SRRM4: variants seen among roughly 807,000 people sequenced by gnomAD.
SRRM4 encodes the protein serine/arginine repetitive matrix protein 4.
A neutral mutation model predicts 68.9 loss-of-function variants in SRRM4; 33 were observed. The observed-to-expected ratio is 0.48, with a 90% CI of 0.36 to 0.64. The LOEUF (loss-of-function observed/expected upper bound fraction) is 0.64. Ranked by LOEUF, SRRM4 falls within the 30% of genes least tolerant of loss-of-function variation. The pLI is 0.00. For missense variants in SRRM4, 817 were observed against 827.1 expected (o/e 0.99, Z 0.15); for synonymous variants, 318 against 318.8 (o/e 1.00, Z 0.03).
chr12:119,128,786 T>C (rs1005967865), intron 7 of SRRM4, among the ~76,000 whole-genome samples: 1 of 152,224 alleles, frequency 6.6e-6, no homozygotes, highest in Non-Finnish European at 1.5e-5. Context: ...TAAGCCCTAC[T>C]GGCCTGGGCC....
intron 1 of SRRM4, among the ~76,000 whole-genome samples, chr12:119,047,030 T>TAAAAAA (rs11415940): frequency 1.6e-5 from 2 of 122,222 alleles, no homozygotes; most frequent in Non-Finnish European, 3.3e-5. Flanking sequence ...AGATCCCGTC[T>TAAAAAA]AAAAAAAAAA....
chr12:119,134,465 T>A (rs1044786291), intron 8 of SRRM4, among the ~76,000 whole-genome samples: 2 of 151,656 alleles, frequency 1.3e-5, no homozygotes, highest in Non-Finnish European at 2.9e-5. Flanking sequence ...GTCAGAAGAA[T>A]GCTGCAATAT....
At chr12:119,059,686 G>T (rs180869893) in intron 1 of SRRM4, among the ~76,000 whole-genome samples, 2 of 152,182 alleles carry the variant, frequency 1.3e-5, no homozygotes, top group African/African-American at 2.4e-5. Context: ...TTATCTTAAA[G>T]GCAGTGGGAG....
intron 1 of SRRM4, among the ~76,000 whole-genome samples, chr12:119,004,767 A>G (rs1215688880): frequency 6.6e-6 from 1 of 151,992 alleles, no homozygotes; most frequent in Non-Finnish European, 1.5e-5. Flanking sequence ...AAGGCACTTT[A>G]CTTCCTGCCG....
chr12:119,052,571 C>G (rs1480966573), intron 1 of SRRM4, among the ~76,000 whole-genome samples: 1 of 152,110 alleles, frequency 6.6e-6, no homozygotes, highest in Non-Finnish European at 1.5e-5. Context: ...CTCTGTTACC[C>G]AGGCTGGAGT....
chr12:119,075,944 A>ATGGTGATGATGG (rs1953912161), intron 1 of SRRM4, among the ~76,000 whole-genome samples: 1 of 141,850 alleles, frequency 7.0e-6, no homozygotes, highest in Non-Finnish European at 1.5e-5. Context: ...GGTGATGATG[A>ATGGTGATGATGG]TGGTGGTAAT....
At chr12:119,099,592 T>C (rs987737533) in intron 1 of SRRM4, among the ~76,000 whole-genome samples, 1 of 152,264 alleles carries the variant, frequency 6.6e-6, no homozygotes, top group Non-Finnish European at 1.5e-5. Flanking sequence ...ACAGTTATTA[T>C]GGTTCATAGT....
At chr12:119,005,297 C>T (rs1024435361) in intron 1 of SRRM4, among the ~76,000 whole-genome samples, 3 of 152,240 alleles carry the variant, frequency 2.0e-5, no homozygotes, top group Non-Finnish European at 4.4e-5. Flanking sequence ...AGCTGTCCCA[C>T]AGCTCCTCTG....
Position 119,125,386 on chromosome 12 carries a change from G to A in SRRM4, c.521G>A (p.Arg174Gln), listed in dbSNP as rs375268699. ...RDEKRHKKQS[R>Q]SRPRKSHRHR... Reference sequence around the variant, plus strand: ...TTCCTTCTCATCCCCCCAAGATCTCGAAGCCGGCCCCGAAAGTCTCACCGC... The same window carrying A: ...TTCCTTCTCATCCCCCCAAGATCTCAAAGCCGGCCCCGAAAGTCTCACCGC... The change falls in exon 7 of 13, where the codon CGA (arginine) becomes CAA (glutamine). Residue 174 changes from arginine (R) to glutamine (Q), a missense_variant. Arg to Gln is a conservative substitution (Grantham distance 43). Transcript: ENST00000267260. 8 of 1,612,044 alleles carry A rather than the reference G, an allele frequency of 5.0e-6. No homozygotes were observed. In the East Asian group the frequency reaches 6.7e-5, roughly 14 times the overall value.
At chr12:119,009,207 C>A (rs1953434115) in intron 1 of SRRM4, among the ~76,000 whole-genome samples, 1 of 152,160 alleles carries the variant, frequency 6.6e-6, no homozygotes, top group Non-Finnish European at 1.5e-5. Flanking sequence ...AGGAGGGGAA[C>A]TTTAATTATC....
chr12:118,983,989 C>T (rs927730572), intron 1 of SRRM4, among the ~76,000 whole-genome samples: 3 of 151,448 alleles, frequency 2.0e-5, no homozygotes, highest in Non-Finnish European at 2.9e-5. Context: ...GAGGTGAAAG[C>T]CTGAACCATA....
Position 119,124,695 on chromosome 12 carries a change from G to A in SRRM4, c.516-686G>A, listed in dbSNP as rs186775515. ...CTAATTTTTGTTTTTAATGAGGTTT[G>A]TAGCCCATCCTGAAAGGTTTTTGAC... On this transcript the variant is annotated intron_variant, in intron 6 of 12. Transcript: ENST00000267260. 4.6e-5 allele frequency among the ~76,000 whole-genome samples: 7 copies of A among 152,210 alleles called. No homozygotes were observed. In the East Asian group the frequency reaches 1.4e-3, roughly 29 times the overall value.
chr12:119,080,465 A>T (rs1349581502), intron 1 of SRRM4, among the ~76,000 whole-genome samples: 1 of 152,200 alleles, frequency 6.6e-6, no homozygotes, highest in Non-Finnish European at 1.5e-5. Context: ...CCTCACAACA[A>T]TGGTCTTAGG....
At position 119,112,065 on chromosome 12, in the gene SRRM4, A is replaced by AAG. The variant is rs1489842107; in HGVS notation, c.279-2213_279-2212insAG. On this transcript the variant is annotated intron_variant, in intron 2 of 12. Transcript: ENST00000267260. The stretch of plus-strand genomic sequence containing the variant: ...CGTCTCAAAAAAAAGAAAAAAAAAA[A>AAG]GAATTTGGAAGTAGCCCATCCTGTT... 1.9e-3 allele frequency among the ~76,000 whole-genome samples: 293 copies of AAG among 152,144 alleles called. 2 individuals are homozygous for AAG. The highest frequency in any genetic ancestry group is 6.9e-3 in the African/African-American group (284 of 41,446).
At chr12:119,001,082 T>C (rs1252803611) in intron 1 of SRRM4, 1 of 152,196 alleles carries the variant, frequency 6.6e-6, no homozygotes, top group Non-Finnish European at 1.5e-5. Context: ...AGCTCTGGGA[T>C]CTAAGTGGCT....
At chr12:119,135,280 G>A (rs1460335332) in intron 8 of SRRM4, among the ~76,000 whole-genome samples, 1 of 152,118 alleles carries the variant, frequency 6.6e-6, no homozygotes, top group Non-Finnish European at 1.5e-5. Flanking sequence ...ATCATAACCA[G>A]AGAGGAATTC....
chr12:119,065,965 T>C (rs1953843304), intron 1 of SRRM4, among the ~76,000 whole-genome samples: 1 of 152,142 alleles, frequency 6.6e-6, no homozygotes, highest in South Asian at 2.1e-4. Context: ...GACAAGGTGA[T>C]TTAGCAGCCA....
At chr12:119,131,649 C>G (rs1954298811) in intron 8 of SRRM4, among the ~76,000 whole-genome samples, 1 of 152,198 alleles carries the variant, frequency 6.6e-6, no homozygotes, top group Non-Finnish European at 1.5e-5. Flanking sequence ...CACTTCCTAG[C>G]TGTGTGGCTT....
intron 1 of SRRM4, among the ~76,000 whole-genome samples, chr12:119,012,289 G>A (rs1400729789): frequency 6.6e-6 from 1 of 152,192 alleles, no homozygotes. Context: ...TCCCCATGGG[G>A]GGATGGAAAC....
Sources: gnomAD v4.1 joint callset for allele counts (sites outside exome capture counted in the v4.1 genomes callset) on GRCh38, gnomAD v4.1.1 for gene constraint, MANE v1.5 for transcripts, NCBI Gene and HGNC (gene_info 2026-07-23, HGNC 2026-07-21) for gene names.